The following RBFOX1 variants were observed in gnomAD, a reference collection of about 807,000 sequenced individuals.
RBFOX1 encodes the protein RNA binding fox-1 homolog 1.
Under a neutral mutation model 57.7 loss-of-function variants are expected in RBFOX1, and 8 were observed. The observed-to-expected ratio is 0.14, with a 90% CI of 0.08 to 0.25. The LOEUF is 0.25. Among genes scored for constraint, RBFOX1 ranks in the 10% least tolerant of loss-of-function variants. RBFOX1 has a pLI of 1.00. For missense variants in RBFOX1, 611 were observed against 548.5 expected (o/e 1.11, Z -1.14); for synonymous variants, 326 against 222.4 (o/e 1.47, Z -4.15).
rs556176900 is a variant in RBFOX1, at chr16:5,253,147, T to C, written c.219+13042T>C. ...AGCAAATGCTGTGTCATTCTTTTTT[T>C]TTTTCTTTCTTTCTTTTTTGAGACT... is the stretch of plus-strand genomic sequence containing the variant. On this transcript the variant is annotated intron_variant, in intron 1 of 2. Coordinates refer to the RBFOX1 transcript ENST00000585867. 6.6e-5 allele frequency among the ~76,000 whole-genome samples: 10 copies of C among 152,250 alleles called. No homozygotes were observed. In the East Asian group the frequency reaches 1.9e-3, roughly 29 times the overall value.
At chr16:5,381,703 C>G (rs1206302510) in intron 1 of RBFOX1, among the ~76,000 whole-genome samples, 1 of 152,222 alleles carries the variant, frequency 6.6e-6, no homozygotes, top group Non-Finnish European at 1.5e-5. Context: ...TAGCAAGAGC[C>G]TGTTGAATGG....
chr16:5,246,479 ACT>A (rs1343717164), intron 1 of RBFOX1, among the ~76,000 whole-genome samples: 2 of 152,036 alleles, frequency 1.3e-5, no homozygotes, highest in Non-Finnish European at 2.9e-5. Flanking sequence ...TAAAAAATCT[ACT>A]CTCTTAGTGA....
intron 4 of RBFOX1, among the ~76,000 whole-genome samples, chr16:5,920,909 TAC>T (rs2058806415): frequency 9.1e-6 from 1 of 109,760 alleles, no homozygotes; most frequent in African/African-American, 3.0e-5. Flanking sequence ...TGTCTATTTG[TAC>T]GTGCAGTGGT....
intron 2 of RBFOX1, among the ~76,000 whole-genome samples, chr16:6,482,754 T>C (rs958002352): frequency 6.6e-6 from 1 of 151,842 alleles, no homozygotes; most frequent in Non-Finnish European, 1.5e-5. Context: ...GGAGGCGAGA[T>C]TGGGGGCGCG....
intron 2 of RBFOX1, among the ~76,000 whole-genome samples, chr16:6,526,541 C>G (rs1411666486): frequency 6.6e-6 from 1 of 151,862 alleles, no homozygotes; most frequent in East Asian, 1.9e-4. Flanking sequence ...AATGAAATAC[C>G]CTAAGAGGGC....
chr16:5,480,183 C>A (rs1218429523), intron 2 of RBFOX1, among the ~76,000 whole-genome samples: 2 of 152,176 alleles, frequency 1.3e-5, no homozygotes, highest in African/African-American at 4.8e-5. Flanking sequence ...TCCGGAGATG[C>A]ATAAAAGAAA....
At chr16:7,019,152 C>T (rs1447761539) in intron 3 of RBFOX1, among the ~76,000 whole-genome samples, 1 of 151,620 alleles carries the variant, frequency 6.6e-6, no homozygotes, top group Non-Finnish European at 1.5e-5. Context: ...ATAACCATTC[C>T]TTTGTAATAT....
At chr16:6,494,901 T>C (rs2095724132) in intron 2 of RBFOX1, among the ~76,000 whole-genome samples, 1 of 152,206 alleles carries the variant, frequency 6.6e-6, no homozygotes, top group South Asian at 2.1e-4. Context: ...TATGCCAGGC[T>C]GTATTCTAAG....
intron 1 of RBFOX1, among the ~76,000 whole-genome samples, chr16:6,239,451 C>A (rs975236700): frequency 6.7e-6 from 1 of 148,534 alleles, no homozygotes; most frequent in East Asian, 2.0e-4. Context: ...GGAGTCCCAC[C>A]TGTTAAGAAT....
At chr16:7,244,901 T>G (rs990532009) in intron 4 of RBFOX1, among the ~76,000 whole-genome samples, 2 of 152,144 alleles carry the variant, frequency 1.3e-5, no homozygotes, top group Non-Finnish European at 2.9e-5. Context: ...GTATCCCAAG[T>G]GAAGCTAATT....
At chr16:6,732,539 C>T (rs186736872) in intron 3 of RBFOX1, among the ~76,000 whole-genome samples, 90 of 152,286 alleles carry the variant, frequency 5.9e-4, no homozygotes, top group Non-Finnish European at 9.6e-4. Flanking sequence ...GTGTAGCAGG[C>T]AATTGCTTTT....
At chr16:6,235,938 T>A (rs1375395985) in intron 1 of RBFOX1, among the ~76,000 whole-genome samples, 1 of 151,802 alleles carries the variant, frequency 6.6e-6, no homozygotes, top group Non-Finnish European at 1.5e-5. Flanking sequence ...TGCCCCAAAA[T>A]CTCACAAATC....
chr16:6,811,982 C>G (rs147543084), intron 3 of RBFOX1, among the ~76,000 whole-genome samples: 5 of 152,248 alleles, frequency 3.3e-5, no homozygotes, highest in Non-Finnish European at 7.3e-5. Flanking sequence ...GTTGTTTCTC[C>G]TCAGCATGAA....
chr16:6,798,539 C>T (rs1416321498), intron 3 of RBFOX1, among the ~76,000 whole-genome samples: 34 of 152,052 alleles, frequency 2.2e-4, no homozygotes, highest in Admixed American at 2.2e-3. Flanking sequence ...CAGATAACAC[C>T]CCCAATTCTA....
rs55999476 is a variant in RBFOX1, at chr16:6,884,174, C to T, written c.-15-167883C>T. Among the ~76,000 whole-genome samples, 2,643 of 152,310 alleles carry T rather than the reference C, an allele frequency of 0.017. 123 individuals carry two copies. In the East Asian group the frequency reaches 0.18, roughly 10 times the overall value. ...CAGACAGAAGCTGCTTCCGAGGCCC[C>T]TTCTGCTCACAGGGCATGCTTCCTG... On this transcript the variant is annotated intron_variant, in intron 3 of 15. Transcript: ENST00000550418.
chr16:6,495,020 C>T (rs926553111), intron 2 of RBFOX1, among the ~76,000 whole-genome samples: 2 of 152,124 alleles, frequency 1.3e-5, no homozygotes, highest in Non-Finnish European at 1.5e-5. Flanking sequence ...AGTAACTTGC[C>T]CAAGATTATA....
chr16:7,492,578 A>G (rs1271690300), intron 4 of RBFOX1, among the ~76,000 whole-genome samples: 1 of 152,172 alleles, frequency 6.6e-6, no homozygotes, highest in Admixed American at 6.5e-5. Flanking sequence ...TATCATTTAG[A>G]TATTGTCCCA....
At chr16:5,990,219 C>A (rs1000481141) in intron 4 of RBFOX1, among the ~76,000 whole-genome samples, 4 of 152,096 alleles carry the variant, frequency 2.6e-5, no homozygotes, top group Admixed American at 6.6e-5. Context: ...AACTCCTGGG[C>A]TCTTCAAGTG....
chr16:5,495,957 C>T (rs759934485), intron 2 of RBFOX1, among the ~76,000 whole-genome samples: 4 of 152,148 alleles, frequency 2.6e-5, no homozygotes, highest in East Asian at 1.9e-4. Context: ...GAAACCCTGT[C>T]TCTACTAAAA....
Sources: allele counts gnomAD v4.1 joint callset (sites outside exome capture counted in the v4.1 genomes callset), GRCh38; gene constraint gnomAD v4.1.1; transcripts MANE v1.5; gene names NCBI Gene and HGNC (gene_info 2026-07-23, HGNC 2026-07-21).